PCDHGA1: variants seen among roughly 807,000 people sequenced by gnomAD.
PCDHGA1 encodes protocadherin gamma subfamily A, 1, also known as protocadherin gamma-A1.
In PCDHGA1, 32 loss-of-function variants were observed where a neutral mutation model predicts 58.0. The ratio of observed to expected loss-of-function variants is 0.55; its 90% CI spans 0.42 to 0.74. PCDHGA1 has a LOEUF of 0.74. Among genes scored for constraint, PCDHGA1 ranks in the 30% least tolerant of loss-of-function variants. The pLI, the probability that PCDHGA1 is intolerant of heterozygous loss-of-function variation, is 0.00. For synonymous variants in PCDHGA1, 498 were observed against 501.1 expected (o/e 0.99, Z 0.08); for missense variants, 1,205 against 1,182.3 (o/e 1.02, Z -0.28).
At position 141,355,951 on chromosome 5, in the gene PCDHGA1, G is replaced by T. The variant is rs1178682642; in HGVS notation, c.2421+22846G>T. 4 of 1,613,916 alleles carry T rather than the reference G, an allele frequency of 2.5e-6. No homozygotes were observed. In the South Asian group the frequency reaches 4.4e-5, roughly 18 times the overall value. On this transcript the variant is annotated intron_variant, in intron 1 of 3. Transcript: ENST00000517417. ...CACTCAGCCCGAGTACCACGTAAGT[G>T]TTCGTGAGAACGTTCCTGTAGGCAC...
intron 1 of PCDHGA1, among the ~76,000 whole-genome samples, chr5:141,488,571 A>G (rs2099677106): frequency 6.6e-6 from 1 of 152,194 alleles, no homozygotes; most frequent in East Asian, 1.9e-4. Flanking sequence ...TCCGCAAAGC[A>G]TTGCTGGAGA....
At chr5:141,414,409 A>AG in intron 1 of PCDHGA1, 1 of 1,613,870 alleles carries the variant, frequency 6.2e-7, no homozygotes. Flanking sequence ...GGTGATACAC[A>AG]GAGCCCTTGA....
chr5:141,410,781 T>C, intron 1 of PCDHGA1: 2 of 937,378 alleles, frequency 2.1e-6, no homozygotes, highest in Non-Finnish European at 1.5e-6. Flanking sequence ...TCACTATGTA[T>C]TTGGTTCATA....
chr5:141,341,374 AAG>A (rs1757050551), intron 1 of PCDHGA1: 4 of 1,614,264 alleles, frequency 2.5e-6, no homozygotes, highest in Non-Finnish European at 3.4e-6. Context: ...TCGAAGAAGA[AAG>A]AGAAGAAACG....
At chr5:141,492,637 C>T (rs2099742781) in intron 1 of PCDHGA1, among the ~76,000 whole-genome samples, 1 of 152,260 alleles carries the variant, frequency 6.6e-6, no homozygotes, top group South Asian at 2.1e-4. Context: ...CTCTACGATC[C>T]TTGGGCCAGA....
chr5:141,381,826 C>CTTTTTTTTTTTTTTTTTT (rs770630741), intron 1 of PCDHGA1, among the ~76,000 whole-genome samples: 6 of 74,288 alleles, frequency 8.1e-5, no homozygotes, highest in East Asian at 3.6e-4. Flanking sequence ...CTTTCTTCTT[C>CTTTTTTTTTTTTTTTTTT]TTTTTTTTTT....
rs954948864 is a variant in PCDHGA1, at chr5:141,382,821, C to T, written c.2421+49716C>T. On this transcript the variant is annotated intron_variant, in intron 1 of 3. Transcript: ENST00000517417. ...GGATTCTGAGCTCCCCTTCCTAAGACAGAGGGGTCCACCCGGATACACCCG... is the reference window on the plus strand; with the variant it reads ...GGATTCTGAGCTCCCCTTCCTAAGATAGAGGGGTCCACCCGGATACACCCG... 3.1e-6 allele frequency: 4 copies of T among 1,306,294 alleles called. No homozygotes were observed. In the African/African-American group the frequency reaches 5.9e-5, roughly 19 times the overall value. The allele number at this position is 1,306,294 out of a possible 1,614,324, so 80.9% of individuals were successfully genotyped here. A position where few individuals can be genotyped will look rare whatever the true frequency, so the allele number is the denominator to read the frequency against.
At chr5:141,461,966 G>A (rs2099027516) in intron 1 of PCDHGA1, among the ~76,000 whole-genome samples, 1 of 152,162 alleles carries the variant, frequency 6.6e-6, no homozygotes, top group African/African-American at 2.4e-5. Context: ...TGGGATTCCA[G>A]GCATATGCCA....
At chr5:141,478,239 C>G in intron 1 of PCDHGA1, 1 of 1,614,132 alleles carries the variant, frequency 6.2e-7, no homozygotes. Flanking sequence ...TTTGTGGTCA[C>G]AGTGTTCGGA....
chr5:141,375,822 G>C (rs1439795137), intron 1 of PCDHGA1: 3 of 1,614,144 alleles, frequency 1.9e-6, no homozygotes. Context: ...CTGGCGCCCC[G>C]CTCCGCAGAG....
chr5:141,481,142 G>T (rs2099532501), intron 1 of PCDHGA1, among the ~76,000 whole-genome samples: 1 of 152,212 alleles, frequency 6.6e-6, no homozygotes, highest in Non-Finnish European at 1.5e-5. Context: ...GAAGTAAAGT[G>T]TTATTCTGGT....
chr5:141,345,468 C>A (rs760591099), intron 1 of PCDHGA1: 1 of 1,614,138 alleles, frequency 6.2e-7, no homozygotes, highest in East Asian at 2.2e-5. Flanking sequence ...AGCCCAGGAC[C>A]CAGATAGCAA....
intron 1 of PCDHGA1, chr5:141,357,469 G>C: frequency 6.2e-7 from 1 of 1,614,176 alleles, no homozygotes; most frequent in African/African-American, 1.3e-5. Flanking sequence ...TTCCCACGAG[G>C]TCTCCCTCAC....
chr5:141,372,480 T>C (rs777083908), intron 1 of PCDHGA1: 5 of 1,613,930 alleles, frequency 3.1e-6, no homozygotes, highest in African/African-American at 2.7e-5. Flanking sequence ...AGTAGTGGCG[T>C]TGGCCTTGAT....
Position 141,415,740 on chromosome 5 carries a change from GTTTTTTTTTTTTTTTT to G in PCDHGA1, c.2422-79050_2422-79035del, listed in dbSNP as rs57426385. 54 of 625,040 alleles carry G rather than the reference GTTTTTTTTTTTTTTTT, an allele frequency of 8.6e-5. 1 individual carries two copies. The East Asian group carries it at 1.4e-3, about 16-fold the overall frequency. The allele number at this position is 625,040 out of a possible 1,614,324, so 38.7% of individuals were successfully genotyped here. ...TGAGTAGAATTTGATGTTTATTAAG[GTTTTTTTTTTTTTTTT>G]TTTTTTTTTTTTTTTTACTTTCTGG... On this transcript the variant is annotated intron_variant, in intron 1 of 3. Transcript: ENST00000517417.
intron 1 of PCDHGA1, chr5:141,429,169 T>TACAC (rs10667977): frequency 0.077 from 11,199 of 145,388 alleles, 458 homozygotes; most frequent in African/African-American, 0.081. Flanking sequence ...ACATTGTTTA[T>TACAC]ACACACACAC....
Position 141,376,812 on chromosome 5 carries a change from T to G in PCDHGA1, c.2421+43707T>G, listed in dbSNP as rs62378423. ...CGCCATTCTCCTGCCTCAGCCTCCC[T>G]AGTAGCTGGGACTACAGGCGCCCGC... On this transcript the variant is annotated intron_variant, in intron 1 of 3. Coordinates refer to ENST00000517417, the MANE Select transcript of PCDHGA1 (RefSeq NM_018912.3). 3.9e-4 allele frequency: 120 copies of G among 303,828 alleles called. 2 individuals carry two copies. In the South Asian group the frequency reaches 4.4e-3, roughly 11 times the overall value. The allele number at this position is 303,828 out of a possible 1,614,324, so 18.8% of individuals were successfully genotyped here.
intron 1 of PCDHGA1, among the ~76,000 whole-genome samples, chr5:141,462,798 C>A (rs1458659959): frequency 6.6e-6 from 1 of 152,072 alleles, no homozygotes; most frequent in Non-Finnish European, 1.5e-5. Flanking sequence ...ATTTGCATGT[C>A]TAATAATGTT....
At chr5:141,498,958 A>T (rs1200201746) in intron 2 of PCDHGA1, among the ~76,000 whole-genome samples, 2 of 123,248 alleles carry the variant, frequency 1.6e-5, no homozygotes, top group Admixed American at 1.8e-4. Flanking sequence ...AAAGAGAGAG[A>T]GGGAGGGAGG....
Sources: gnomAD v4.1 joint callset for allele counts (sites outside exome capture counted in the v4.1 genomes callset) on GRCh38, gnomAD v4.1.1 for gene constraint, MANE v1.5 for transcripts, NCBI Gene and HGNC (gene_info 2026-07-23, HGNC 2026-07-21) for gene names.